NSG2: variants seen among roughly 807,000 people sequenced by gnomAD.
NSG2 encodes the protein neuronal vesicle trafficking-associated protein 2.
NSG2 carries 4 observed loss-of-function variants against 16.9 expected under a neutral mutation model. That is an observed-to-expected ratio of 0.24 (90% CI 0.12 to 0.54). The LOEUF (loss-of-function observed/expected upper bound fraction) is 0.54. Ranked by LOEUF, NSG2 falls within the 20% of genes least tolerant of loss-of-function variation. The pLI, the probability that NSG2 is intolerant of heterozygous loss-of-function variation, is 0.95. For synonymous variants in NSG2, 98 were observed against 88.7 expected (o/e 1.11, Z -0.59); for missense variants, 179 against 221.1 (o/e 0.81, Z 1.21).
At chr5:174,101,578 G>C (rs1760896933) in intron 3 of NSG2, among the ~76,000 whole-genome samples, 1 of 152,150 alleles carries the variant, frequency 6.6e-6, no homozygotes, top group Non-Finnish European at 1.5e-5. Flanking sequence ...TGGGTTCTTT[G>C]GCTCAGCATC....
chr5:174,051,085 C>T (rs991250345), intron 2 of NSG2, among the ~76,000 whole-genome samples: 22 of 152,148 alleles, frequency 1.4e-4, no homozygotes, highest in East Asian at 1.9e-4. Flanking sequence ...CCTGCAGCAG[C>T]GGTGCTCCAT....
At chr5:174,084,314 A>G (rs1398812608) in intron 3 of NSG2, among the ~76,000 whole-genome samples, 1 of 152,218 alleles carries the variant, frequency 6.6e-6, no homozygotes, top group Non-Finnish European at 1.5e-5. Context: ...AAAGTGTAAT[A>G]AAGATAAGAT....
intron 3 of NSG2, among the ~76,000 whole-genome samples, chr5:174,090,662 A>G (rs1760707053): frequency 6.6e-6 from 1 of 151,700 alleles, no homozygotes; most frequent in African/African-American, 2.4e-5. Flanking sequence ...GCCCTCCAAG[A>G]CTCCTCCCAG....
Position 174,108,259 on chromosome 5 carries a change from TTGTC to T in NSG2, c.*756_*759del. ...ACGCTGAGGAGTGGGCAGATTTTCT[TTGTC>T]TTTTGCTTGCATTTTCTAGATCCAC... is the stretch of plus-strand genomic sequence containing the variant. On this transcript the variant is annotated 3_prime_UTR_variant, in exon 5 of 5. Transcript: ENST00000303177. 6.3e-6 allele frequency: 1 copy of T among 158,440 alleles called. No homozygotes were observed. The highest frequency in any genetic ancestry group is 1.4e-5 in the Non-Finnish European group (1 of 71,412). 9.8% of individuals were successfully genotyped at this position (158,440 alleles called of 1,614,324 possible).
chr5:174,081,865 G>A (rs1760476435), intron 3 of NSG2, among the ~76,000 whole-genome samples: 1 of 132,098 alleles, frequency 7.6e-6, no homozygotes, highest in South Asian at 2.4e-4. Context: ...ACTCCAGCCT[G>A]AGCAGCAGTG....
intron 3 of NSG2, among the ~76,000 whole-genome samples, chr5:174,078,828 G>A (rs1333857803): frequency 1.3e-5 from 2 of 152,078 alleles, no homozygotes; most frequent in Non-Finnish European, 2.9e-5. Flanking sequence ...CAAATCTCCT[G>A]GTGCCTTCAT....
chr5:174,065,124 C>T (rs140557044), intron 3 of NSG2, among the ~76,000 whole-genome samples: 2,442 of 151,996 alleles, frequency 0.016, 26 homozygotes, highest in Non-Finnish European at 0.021. Context: ...GTCAGGAGAT[C>T]GAGACCATCC....
chr5:174,095,218 A>T (rs577049990), intron 3 of NSG2, among the ~76,000 whole-genome samples: 1 of 152,270 alleles, frequency 6.6e-6, no homozygotes, highest in Admixed American at 6.5e-5. Context: ...AGGAGTCCGC[A>T]TTTGTAGCAC....
chr5:174,063,150 A>G (rs767540340), intron 2 of NSG2, among the ~76,000 whole-genome samples: 1 of 152,222 alleles, frequency 6.6e-6, no homozygotes, highest in Non-Finnish European at 1.5e-5. Context: ...CTCTCAAAGC[A>G]ACCTTACAAA....
At chr5:174,064,778 G>A (rs1760112940) in intron 3 of NSG2, among the ~76,000 whole-genome samples, 1 of 152,158 alleles carries the variant, frequency 6.6e-6, no homozygotes, top group African/African-American at 2.4e-5. Flanking sequence ...GCCGCGAGGA[G>A]CACTGGAGAA....
intron 2 of NSG2, among the ~76,000 whole-genome samples, chr5:174,056,823 C>T (rs773968854): frequency 1.3e-5 from 2 of 152,172 alleles, no homozygotes; most frequent in African/African-American, 2.4e-5. Flanking sequence ...CATGTGGGAA[C>T]GTCTTCATTA....
rs144460939 is a variant in NSG2, at chr5:174,079,107, C to G, written c.213+14792C>G. Among the ~76,000 whole-genome samples, 10 of 152,260 alleles carry G rather than the reference C, an allele frequency of 6.6e-5. No homozygotes were observed. In the East Asian group the frequency reaches 1.9e-3, roughly 29 times the overall value. On this transcript the variant is annotated intron_variant, in intron 3 of 4. Coordinates refer to ENST00000303177, the MANE Select transcript of NSG2 (RefSeq NM_015980.5). ...TACCTTCCAAATATGTTCCACCAGTCTATACTCCCCCAACAGTGCCTAAGC... is the reference window on the plus strand; with the variant it reads ...TACCTTCCAAATATGTTCCACCAGTGTATACTCCCCCAACAGTGCCTAAGC...
intron 3 of NSG2, among the ~76,000 whole-genome samples, chr5:174,080,507 CTTT>C (rs1760431909): frequency 7.0e-6 from 1 of 143,334 alleles, no homozygotes; most frequent in African/African-American, 2.5e-5. Flanking sequence ...CTCTTTCTTT[CTTT>C]CCCTCTTTCT....
chr5:174,051,094 A>G (rs919795352), intron 2 of NSG2, among the ~76,000 whole-genome samples: 4 of 152,208 alleles, frequency 2.6e-5, no homozygotes, highest in East Asian at 1.9e-4. Flanking sequence ...GCGGTGCTCC[A>G]TGGGGGCGAT....
At chr5:174,080,824 A>G (rs2113454087) in intron 3 of NSG2, among the ~76,000 whole-genome samples, 1 of 152,274 alleles carries the variant, frequency 6.6e-6, no homozygotes, top group East Asian at 1.9e-4. Context: ...TGGTCTCCCA[A>G]AGTGCTAGGA....
At chr5:174,075,103 A>G (rs1305851790) in intron 3 of NSG2, among the ~76,000 whole-genome samples, 1 of 152,230 alleles carries the variant, frequency 6.6e-6, no homozygotes, top group Non-Finnish European at 1.5e-5. Context: ...TTGCAGTAAT[A>G]AATAATAACA....
At chr5:174,084,983 G>A (rs944908123) in intron 3 of NSG2, among the ~76,000 whole-genome samples, 9 of 152,168 alleles carry the variant, frequency 5.9e-5, no homozygotes, top group African/African-American at 1.9e-4. Context: ...TTGGAGCCAG[G>A]AAGAGTGGGT....
Position 174,072,251 on chromosome 5 carries a change from T to A in NSG2, c.213+7936T>A, listed in dbSNP as rs1177651953. Among the ~76,000 whole-genome samples the A allele has an allele frequency of 2.0e-5, 3 of 152,226 alleles. No homozygotes were observed. The highest frequency in any genetic ancestry group is 1.9e-4 in the East Asian group (1 of 5,194). On this transcript the variant is annotated intron_variant, in intron 3 of 4. Transcript: ENST00000303177. This position sits in a 1 kb window ranked among gnomAD's most constrained non-coding sequence, Gnocchi z 4.0. Reference sequence around the variant, plus strand: ...CTTTCTCCTCCCCTTCTAGAGCACATGCCCCACAGTGGCATTTCTGTGCCT... The same window carrying A: ...CTTTCTCCTCCCCTTCTAGAGCACAAGCCCCACAGTGGCATTTCTGTGCCT...
intron 3 of NSG2, among the ~76,000 whole-genome samples, chr5:174,085,248 GGT>G (rs1297168782): frequency 1.3e-5 from 2 of 152,200 alleles, no homozygotes; most frequent in Non-Finnish European, 2.9e-5. Flanking sequence ...GTACCTAGTA[GGT>G]AGGTGTTATG....
Sources: gnomAD v4.1 joint callset for allele counts (sites outside exome capture counted in the v4.1 genomes callset) on GRCh38, gnomAD v4.1.1 for gene constraint, Gnocchi (gnomAD v3.1) non-coding constraint, MANE v1.5 for transcripts, NCBI Gene and HGNC (gene_info 2026-07-23, HGNC 2026-07-21) for gene names.